KAZN: variants seen among roughly 807,000 people sequenced by gnomAD.
KAZN encodes kazrin.
Under a neutral mutation model 87.4 loss-of-function variants are expected in KAZN, and 40 were observed. The ratio of observed to expected loss-of-function variants is 0.46; its 90% CI spans 0.36 to 0.60. KAZN has a LOEUF of 0.60. KAZN is among the 20% of genes least tolerant of loss of function. The pLI is 0.00. For synonymous variants in KAZN, 466 were observed against 458.3 expected (o/e 1.02, Z -0.22); for missense variants, 898 against 1,073.9 (o/e 0.84, Z 2.29).
intron 2 of KAZN, among the ~76,000 whole-genome samples, chr1:15,000,156 A>T (rs1231705596): frequency 6.7e-6 from 1 of 149,518 alleles, no homozygotes; most frequent in African/African-American, 2.6e-5. Context: ...GTGAGACTGG[A>T]AAAAGGTCAG....
chr1:14,403,577 GAACC>G (rs1056537331), intron 2 of KAZN, among the ~76,000 whole-genome samples: 1 of 151,980 alleles, frequency 6.6e-6, no homozygotes, highest in African/African-American at 2.4e-5. Context: ...AAAGGACAAA[GAACC>G]AACAACAAAA....
intron 2 of KAZN, among the ~76,000 whole-genome samples, chr1:14,385,012 C>A (rs1338913266): frequency 2.0e-5 from 3 of 151,058 alleles, no homozygotes; most frequent in Non-Finnish European, 4.4e-5. Flanking sequence ...TTGGTCTATT[C>A]AGAGATTCAA....
chr1:13,974,517 A>G (rs937388208), intron 1 of KAZN, among the ~76,000 whole-genome samples: 2 of 152,210 alleles, frequency 1.3e-5, no homozygotes, highest in African/African-American at 4.8e-5. Context: ...TGGGACCTAA[A>G]TCCAGTGACA....
chr1:14,762,473 C>T (rs1227218903), intron 1 of KAZN, among the ~76,000 whole-genome samples: 2 of 149,710 alleles, frequency 1.3e-5, no homozygotes, highest in African/African-American at 4.9e-5. Context: ...CGCCAGTAAT[C>T]CCAGCACTTT....
chr1:13,943,417 C>A (rs1641012011), intron 1 of KAZN, among the ~76,000 whole-genome samples: 3 of 151,594 alleles, frequency 2.0e-5, no homozygotes, highest in Admixed American at 1.3e-4. Flanking sequence ...CTAGCCTGGG[C>A]AACATAGCAA....
At chr1:14,371,692 A>G (rs1220057602) in intron 2 of KAZN, among the ~76,000 whole-genome samples, 3 of 152,212 alleles carry the variant, frequency 2.0e-5, no homozygotes, top group Non-Finnish European at 4.4e-5. Context: ...ATCAGCATCA[A>G]TAAATATTTA....
intron 1 of KAZN, among the ~76,000 whole-genome samples, chr1:14,049,224 C>A (rs1642205027): frequency 1.3e-5 from 2 of 151,968 alleles, no homozygotes; most frequent in Non-Finnish European, 2.9e-5. Flanking sequence ...GACAAAAAAA[C>A]CAAACACCGC....
At chr1:14,628,617 G>A (rs1679322318) in intron 1 of KAZN, among the ~76,000 whole-genome samples, 1 of 152,186 alleles carries the variant, frequency 6.6e-6, no homozygotes, top group African/African-American at 2.4e-5. Context: ...TTCATCTGGA[G>A]AATGCCGGGC....
intron 7 of KAZN, 31 bp downstream of exon 7, chr1:15,063,653 CT>C (rs1182743771): frequency 6.4e-7 from 1 of 1,551,332 alleles, no homozygotes; most frequent in East Asian, 2.3e-5. Flanking sequence ...CACTTGAACC[CT>C]CCCTCCACCC....
chr1:15,041,407 G>A (rs1672918614), intron 3 of KAZN, among the ~76,000 whole-genome samples: 1 of 146,620 alleles, frequency 6.8e-6, no homozygotes, highest in Non-Finnish European at 1.5e-5. Context: ...GCGGGATCTC[G>A]GCTCACTGCA....
chr1:14,561,079 G>A (rs1458475085), intron 2 of KAZN, among the ~76,000 whole-genome samples: 2 of 152,226 alleles, frequency 1.3e-5, no homozygotes, highest in East Asian at 3.9e-4. Flanking sequence ...CACCTGCTTG[G>A]TTCCATCGGC....
chr1:14,492,199 T>C (rs1669684276), intron 2 of KAZN, among the ~76,000 whole-genome samples: 1 of 152,126 alleles, frequency 6.6e-6, no homozygotes, highest in African/African-American at 2.4e-5. Context: ...TCACCCAGAC[T>C]TGCCCAAGAA....
chr1:14,446,237 C>T (rs779088800), intron 2 of KAZN, among the ~76,000 whole-genome samples: 6 of 151,972 alleles, frequency 3.9e-5, no homozygotes, highest in Non-Finnish European at 5.9e-5. Flanking sequence ...TGGAATGCTG[C>T]GTGCTAATTT....
At chr1:14,772,041 A>G (rs1645034239) in intron 1 of KAZN, among the ~76,000 whole-genome samples, 1 of 152,120 alleles carries the variant, frequency 6.6e-6, no homozygotes, top group Non-Finnish European at 1.5e-5. Flanking sequence ...AAGATGACAA[A>G]AAAATTTAAT....
chr1:14,022,675 T>C (rs1259286747), intron 1 of KAZN, among the ~76,000 whole-genome samples: 1 of 152,186 alleles, frequency 6.6e-6, no homozygotes, highest in Non-Finnish European at 1.5e-5. Flanking sequence ...AGTGGTCTCA[T>C]TGATAATGTG....
chr1:14,896,092 G>A (rs1056834454), intron 1 of KAZN, among the ~76,000 whole-genome samples: 3 of 142,812 alleles, frequency 2.1e-5, no homozygotes, highest in African/African-American at 8.4e-5. Flanking sequence ...TTCTTGCTCT[G>A]TTGCTAGGCT....
chr1:14,669,837 C>T (rs1035213039), intron 1 of KAZN, among the ~76,000 whole-genome samples: 3 of 152,184 alleles, frequency 2.0e-5, no homozygotes, highest in African/African-American at 7.2e-5. Context: ...TGAAACCATC[C>T]TTTGTATGTG....
intron 1 of KAZN, among the ~76,000 whole-genome samples, chr1:14,666,971 T>C (rs898259055): frequency 1.3e-5 from 2 of 152,208 alleles, no homozygotes; most frequent in African/African-American, 4.8e-5. Flanking sequence ...CTTGACGTCG[T>C]GATCCGCCCA....
intron 1 of KAZN, among the ~76,000 whole-genome samples, chr1:13,915,351 C>G (rs909101609): frequency 6.6e-6 from 1 of 152,184 alleles, no homozygotes; most frequent in African/African-American, 2.4e-5. Context: ...CACTTTGAAG[C>G]TGACAAAAAT....
Sources: allele counts gnomAD v4.1 joint callset (sites outside exome capture counted in the v4.1 genomes callset), GRCh38; gene constraint gnomAD v4.1.1; transcripts MANE v1.5; gene names NCBI Gene and HGNC (gene_info 2026-07-23, HGNC 2026-07-21).